NEO1: variants seen among roughly 807,000 people sequenced by gnomAD.
NEO1 encodes the protein neogenin.
A neutral mutation model predicts 159.7 loss-of-function variants in NEO1; 63 were observed. The ratio of observed to expected loss-of-function variants is 0.39; its 90% confidence interval spans 0.32 to 0.49. The LOEUF (loss-of-function observed/expected upper bound fraction) is 0.49, where lower values mean the gene tolerates loss of function less well. NEO1 is among the 20% of genes least tolerant of loss of function. The pLI, the probability that NEO1 is intolerant of heterozygous loss-of-function variation, is 0.85. For missense variants in NEO1, 1,615 were observed against 1,831.0 expected, an observed-to-expected ratio of 0.88 and a Z score of 2.15; for synonymous variants, 633 against 662.0, an observed-to-expected ratio of 0.96 and a Z score of 0.67.
Position 73,110,932 on chromosome 15 carries a change from C to A in NEO1, c.131-5608C>A, listed in dbSNP as rs2070946994. Among the ~76,000 whole-genome samples, 3 of 151,876 alleles carry A rather than the reference C, an allele frequency of 2.0e-5. No individual in the cohort carries two copies. In the South Asian group the frequency reaches 6.2e-4, roughly 32 times the overall value. On this transcript the variant is annotated intron_variant, in intron 1 of 28. Coordinates refer to ENST00000261908, the MANE Select transcript of NEO1 (RefSeq NM_002499.4). ...GATGATAGATCTTTTAGAAAATAATCTCCTGTTCCAAGCAAAGGATTGTTC... is the reference window on the plus strand; with the variant it reads ...GATGATAGATCTTTTAGAAAATAATATCCTGTTCCAAGCAAAGGATTGTTC...
rs868236555 is a variant in NEO1, at chr15:73,208,460, T to C, written c.1292-27887T>C. The stretch of plus-strand genomic sequence containing the variant: ...TCACAAGACATCCCATTCTAGTGTT[T>C]AGTAGAACTTTATTTTTTTTAAAAA... On this transcript the variant is annotated intron_variant, in intron 7 of 28. Coordinates refer to ENST00000261908, the MANE Select transcript of NEO1 (RefSeq NM_002499.4). Among the ~76,000 whole-genome samples the C allele has an allele frequency of 3.8e-4, 58 of 152,348 alleles. 1 individual carries two copies. The highest frequency in any genetic ancestry group is 1.4e-3 in the African/African-American group (57 of 41,586).
At chr15:73,137,110 C>T (rs2031845971) in intron 5 of NEO1, among the ~76,000 whole-genome samples, 1 of 152,116 alleles carries the variant, frequency 6.6e-6, no homozygotes, top group South Asian at 2.1e-4. Flanking sequence ...AGTGCTTTCA[C>T]AAACATATAT....
intron 26 of NEO1, among the ~76,000 whole-genome samples, chr15:73,295,864 A>G (rs773692707): frequency 2.0e-5 from 3 of 152,202 alleles, no homozygotes; most frequent in Admixed American, 2.0e-4. Context: ...CTCTTGTCCA[A>G]TCACTTGGCC....
At chr15:73,156,659 G>A (rs2033800807) in intron 5 of NEO1, among the ~76,000 whole-genome samples, 1 of 152,204 alleles carries the variant, frequency 6.6e-6, no homozygotes, top group Admixed American at 6.5e-5. Context: ...GTAATAGCCA[G>A]CTATATTGTC....
At chr15:73,289,816 G>A (rs2151130673) in intron 25 of NEO1, among the ~76,000 whole-genome samples, 1 of 152,180 alleles carries the variant, frequency 6.6e-6, no homozygotes, top group South Asian at 2.1e-4. Context: ...CAGGTATGGT[G>A]GTACATGTCT....
At chr15:73,079,172 A>G (rs2068920102) in intron 1 of NEO1, among the ~76,000 whole-genome samples, 2 of 152,188 alleles carry the variant, frequency 1.3e-5, no homozygotes, top group Admixed American at 1.3e-4. Context: ...ACTGCCCCAC[A>G]TCCTTAGCTC....
chr15:73,062,094 A>G (rs1342461821), intron 1 of NEO1, among the ~76,000 whole-genome samples: 2 of 152,206 alleles, frequency 1.3e-5, no homozygotes, highest in Non-Finnish European at 2.9e-5. Context: ...CATTATTTCC[A>G]AATTGTTTAC....
chr15:73,060,303 G>T (rs1318618050), intron 1 of NEO1, among the ~76,000 whole-genome samples: 1 of 152,054 alleles, frequency 6.6e-6, no homozygotes, highest in East Asian at 1.9e-4. Context: ...TCACTCTGTT[G>T]CCCAGGCTGG....
intron 7 of NEO1, among the ~76,000 whole-genome samples, chr15:73,217,519 G>A (rs1250325722): frequency 1.1e-4 from 17 of 152,104 alleles, no homozygotes; most frequent in Non-Finnish European, 2.9e-5. Context: ...ATTGCCTTGG[G>A]CAGTATGGCC....
At chr15:73,117,091 C>G (rs931419505) in intron 2 of NEO1, among the ~76,000 whole-genome samples, 1 of 152,150 alleles carries the variant, frequency 6.6e-6, no homozygotes, top group African/African-American at 2.4e-5. Flanking sequence ...ATATTGCTAT[C>G]AGAAGTACTG....
chr15:73,123,794 G>A (rs2071811667), intron 3 of NEO1, among the ~76,000 whole-genome samples: 1 of 151,988 alleles, frequency 6.6e-6, no homozygotes, highest in Admixed American at 6.6e-5. Context: ...TTGAGTTTCT[G>A]AATATAATTG....
Position 73,122,721 on chromosome 15 carries a change from T to C in NEO1, c.645T>C (p.Asp215=), listed in dbSNP as rs1325078681. The change falls in exon 3 of 29, where the codon GAT becomes GAC. Residue 215 remains aspartate (D), a synonymous_variant. Coordinates refer to ENST00000261908, the MANE Select transcript of NEO1 (RefSeq NM_002499.4). The part of the protein sequence containing the change: ...MLVISNATEG[D]GGLYRCVVES... ...TTATCAGCAATGCAACTGAAGGAGATGGCGGGCTTTATCGCTGCGTAGTGG... is the reference window on the plus strand; with the variant it reads ...TTATCAGCAATGCAACTGAAGGAGACGGCGGGCTTTATCGCTGCGTAGTGG... The C allele has an allele frequency of 6.2e-7, 1 of 1,614,194 alleles. No individual in the cohort carries two copies. Among genetic ancestry groups the C allele is most frequent in the Non-Finnish European group, 8.5e-7 (1 of 1,180,032 alleles).
At position 73,053,431 on chromosome 15, in the gene NEO1, G is replaced by C. The variant is rs4375637; in HGVS notation, c.130+626G>C. Among the ~76,000 whole-genome samples the C allele has an allele frequency of 0.018, 2,795 of 152,284 alleles. 182 individuals carry two copies. The East Asian group carries it at 0.21, about 11-fold the overall frequency. On this transcript the variant is annotated intron_variant, in intron 1 of 28. Coordinates refer to ENST00000261908, the MANE Select transcript of NEO1 (RefSeq NM_002499.4). Reference sequence around the variant, plus strand: ...CCTTGGAGAGCGGCTCGGAGTGATCGTATCTGTTAGTGTTTCCGTTATGAA... The same window carrying C: ...CCTTGGAGAGCGGCTCGGAGTGATCCTATCTGTTAGTGTTTCCGTTATGAA...
intron 11 of NEO1, 49 bp downstream of exon 11, chr15:73,249,770 T>G: frequency 6.4e-7 from 1 of 1,554,316 alleles, no homozygotes; most frequent in Non-Finnish European, 8.7e-7. Flanking sequence ...GTGCCCCTAG[T>G]GGTTTAGTTG....
At chr15:73,271,494 G>A (rs1227209451) in intron 18 of NEO1, among the ~76,000 whole-genome samples, 1 of 152,148 alleles carries the variant, frequency 6.6e-6, no homozygotes, top group Non-Finnish European at 1.5e-5. Context: ...TTGCATAAAC[G>A]AACAGCTTCA....
chr15:73,152,036 C>T (rs557073297), intron 5 of NEO1, among the ~76,000 whole-genome samples: 1 of 152,136 alleles, frequency 6.6e-6, no homozygotes, highest in East Asian at 1.9e-4. Context: ...AGAAACAGAG[C>T]CAATAGGAAG....
At chr15:73,080,417 C>T (rs2068981240) in intron 1 of NEO1, among the ~76,000 whole-genome samples, 1 of 152,124 alleles carries the variant, frequency 6.6e-6, no homozygotes, top group Non-Finnish European at 1.5e-5. Context: ...CCCTGGATCC[C>T]CTCACTTGCA....
chr15:73,136,670 T>G (rs2031795803), intron 5 of NEO1, among the ~76,000 whole-genome samples: 1 of 152,162 alleles, frequency 6.6e-6, no homozygotes, highest in South Asian at 2.1e-4. Context: ...TTTCTCCTAC[T>G]CTTCCCTTTT....
At chr15:73,168,372 CGGGGGGTGGGGGG>C (rs2034715749) in intron 5 of NEO1, among the ~76,000 whole-genome samples, 1 of 19,990 alleles carries the variant, frequency 5.0e-5, no homozygotes, top group Non-Finnish European at 1.2e-4. Flanking sequence ...TTAGTAGAGA[CGGGGGGTGGGGGG>C]GGGGGGTCTC....
Sources: gnomAD v4.1 joint callset for allele counts (sites outside exome capture counted in the v4.1 genomes callset) on GRCh38, gnomAD v4.1.1 for gene constraint, MANE v1.5 for transcripts, NCBI Gene and HGNC (gene_info 2026-07-23, HGNC 2026-07-21) for gene names.